MTA3: variants seen among roughly 807,000 people sequenced by gnomAD.
MTA3 encodes the protein metastasis-associated protein MTA3.
MTA3 carries 34 observed loss-of-function variants against 83.5 expected under a neutral mutation model. The observed-to-expected ratio is 0.41, with a 90% CI of 0.31 to 0.54. The LOEUF is 0.54. MTA3 is among the 20% of genes least tolerant of loss of function. The pLI, the probability that MTA3 is intolerant of heterozygous loss-of-function variation, is 0.33. For missense variants in MTA3, 761 were observed against 726.4 expected, an observed-to-expected ratio of 1.05 and a Z score of -0.55; for synonymous variants, 303 against 252.7, an observed-to-expected ratio of 1.20 and a Z score of -1.89.
At chr2:42,541,251 G>A (rs916295341) in intron 2 of MTA3, among the ~76,000 whole-genome samples, 10 of 152,012 alleles carry the variant, frequency 6.6e-5, no homozygotes, top group African/African-American at 1.9e-4. Context: ...GGCTGGTCTC[G>A]AACTCCCGAC....
At chr2:42,553,228 AT>A (rs1677202416) in intron 2 of MTA3, among the ~76,000 whole-genome samples, 1 of 151,548 alleles carries the variant, frequency 6.6e-6, no homozygotes, top group Non-Finnish European at 1.5e-5. Flanking sequence ...GATCGAGACA[AT>A]CCTGGCTAAC....
At chr2:42,606,653 A>C (rs1339538755) in intron 3 of MTA3, among the ~76,000 whole-genome samples, 3 of 149,742 alleles carry the variant, frequency 2.0e-5, no homozygotes, top group Admixed American at 1.3e-4. Context: ...CCAGGCAGAG[A>C]CACTCCTCAC....
At chr2:42,588,985 G>T (rs1680661889) in intron 3 of MTA3, among the ~76,000 whole-genome samples, 2 of 152,122 alleles carry the variant, frequency 1.3e-5, no homozygotes, top group African/African-American at 4.8e-5. Flanking sequence ...TTGCACTTAG[G>T]GCCTTTTACT....
intron 4 of MTA3, among the ~76,000 whole-genome samples, chr2:42,615,045 C>A (rs1159373687): frequency 6.6e-6 from 1 of 151,414 alleles, no homozygotes; most frequent in Admixed American, 6.6e-5. Context: ...AATCCCGGCA[C>A]TTCTGGAGGC....
chr2:42,567,951 T>G (rs1677998739), upstream of MTA3: 1 of 152,200 alleles, frequency 6.6e-6, no homozygotes, highest in Non-Finnish European at 1.5e-5. Context: ...TGTTGGACAG[T>G]TGGTTCTGCT....
intron 4 of MTA3, among the ~76,000 whole-genome samples, chr2:42,635,920 C>T (rs1280133662): frequency 6.6e-6 from 1 of 152,058 alleles, no homozygotes; most frequent in African/African-American, 2.4e-5. Flanking sequence ...CGTGCACCAC[C>T]ACACCCAGCT....
chr2:42,659,972 C>G (rs1409686951), intron 8 of MTA3, 110 bp downstream of exon 8: 1 of 635,778 alleles, frequency 1.6e-6, no homozygotes, highest in East Asian at 3.6e-5. Flanking sequence ...CTTAGCCTTC[C>G]TGACTGCTAG....
At chr2:42,747,696 C>A (rs1463969417) in intron 16 of MTA3, among the ~76,000 whole-genome samples, 1 of 151,950 alleles carries the variant, frequency 6.6e-6, no homozygotes, top group Non-Finnish European at 1.5e-5. Context: ...CTCTCTTTGA[C>A]CAATATAACC....
rs368905145 is a variant in MTA3, at chr2:42,656,271, C to T, written c.571C>T (p.Arg191Ter). ...GGATCCAAATAGCCCACTTACGGAT[C>T]GACAGATTGACCAGTTTTTAGTTGT... ...VWDPNSPLTD[R>*]QIDQFLVVAR... The change falls in exon 7 of 17, where the codon CGA becomes TGA. Residue 191 changes from arginine (R) to a stop codon, truncating the protein, a stop_gained. Transcript: ENST00000405094. LOFTEE classifies it high-confidence loss of function. The T allele has an allele frequency of 2.5e-6, 4 of 1,613,476 alleles. No individual in the cohort carries two copies. The highest frequency in any genetic ancestry group is 2.5e-6 in the Non-Finnish European group (3 of 1,179,600).
In MTA3 at chr2:42,708,965, G is replaced by A. The variant is rs201225862; in HGVS notation, c.1394G>A (p.Arg465His). ...TGSPKSAVKT[R>H]QAFFLHTTYF... ...AGTCCAAAGTCTGCAGTGAAGACCCGCCAAGCTTTCTTCCTTCATACTACA... is the reference window on the plus strand; with the variant it reads ...AGTCCAAAGTCTGCAGTGAAGACCCACCAAGCTTTCTTCCTTCATACTACA... The change falls in exon 14 of 17, where the codon CGC becomes CAC. Residue 465 changes from arginine to histidine, a missense_variant. By Grantham distance (29) the Arg-to-His change is conservative. Transcript: ENST00000405094. 2.8e-5 allele frequency: 45 copies of A among 1,613,950 alleles called. No individual in the cohort carries two copies. Among genetic ancestry groups the A allele is most frequent in the Non-Finnish European group, 3.6e-5 (42 of 1,179,886 alleles).
chr2:42,723,070 A>T (rs142179878), intron 16 of MTA3, 35 bp downstream of exon 16: 6 of 1,546,594 alleles, frequency 3.9e-6, no homozygotes, highest in East Asian at 2.4e-5. Flanking sequence ...GGCTGTTCTG[A>T]TAGAGTGCCT....
intron 6 of MTA3, among the ~76,000 whole-genome samples, chr2:42,651,041 C>T (rs1688668859): frequency 6.6e-6 from 1 of 152,160 alleles, no homozygotes; most frequent in African/African-American, 2.4e-5. Flanking sequence ...GTCTATTGCT[C>T]CCAGGCTACA....
intron 9 of MTA3, among the ~76,000 whole-genome samples, chr2:42,688,087 G>A (rs1021519786): frequency 6.6e-6 from 1 of 152,168 alleles, no homozygotes; most frequent in South Asian, 2.1e-4. Flanking sequence ...TCGCTTATCA[G>A]TCAGGATTCA....
chr2:42,599,064 C>G (rs1682211812), intron 3 of MTA3, among the ~76,000 whole-genome samples: 1 of 152,164 alleles, frequency 6.6e-6, no homozygotes, highest in Non-Finnish European at 1.5e-5. Context: ...ACTTCGTTTG[C>G]TAGTGGTGAC....
chr2:42,636,874 A>G (rs976793346), intron 4 of MTA3, among the ~76,000 whole-genome samples: 4 of 152,006 alleles, frequency 2.6e-5, no homozygotes, highest in African/African-American at 9.7e-5. Context: ...ACCCGCCCGC[A>G]TCGGCCTCCC....
chr2:42,687,776 G>A (rs765037076), intron 9 of MTA3, among the ~76,000 whole-genome samples: 2 of 152,150 alleles, frequency 1.3e-5, no homozygotes, highest in Non-Finnish European at 2.9e-5. Flanking sequence ...AGCCATTTTT[G>A]TAGCTCATAT....
In MTA3 at chr2:42,575,922, G is replaced by A. The variant is rs1282682918; in HGVS notation, c.97-3185G>A. ...TCAGCACAGAGTCATCCATGTAATA[G>A]CGAGTTTCTGGGACTGGGGTTGTGT... On this transcript the variant is annotated intron_variant, in intron 2 of 16. Coordinates refer to ENST00000405094, the MANE Select transcript of MTA3 (RefSeq NM_001330442.2). Among the ~76,000 whole-genome samples the A allele has an allele frequency of 2.0e-5, 3 of 152,118 alleles. No homozygotes were observed. The South Asian group carries it at 6.2e-4, about 32-fold the overall frequency.
intron 4 of MTA3, among the ~76,000 whole-genome samples, chr2:42,611,022 C>A (rs955055968): frequency 6.8e-6 from 1 of 147,534 alleles, no homozygotes; most frequent in African/African-American, 2.5e-5. Flanking sequence ...TGCTCTGTCA[C>A]CCAGGCTGGA....
rs1292635515 is a variant in MTA3 at position 42,636,411 on chromosome 2, A to T, written c.318-3762A>T. 7.2e-5 allele frequency among the ~76,000 whole-genome samples: 11 copies of T among 151,970 alleles called. No homozygotes were observed. In the East Asian group the frequency reaches 2.2e-3, roughly 30 times the overall value. On this transcript the variant is annotated intron_variant, in intron 4 of 16. Coordinates refer to ENST00000405094, the MANE Select transcript of MTA3 (RefSeq NM_001330442.2). ...AAAAAAAATTAGCTCTGCGTGTGGC[A>T]CACACCTGTAGTCCCAGCTACTGGG...
Sources: gnomAD v4.1 joint callset for allele counts (sites outside exome capture counted in the v4.1 genomes callset) on GRCh38, gnomAD v4.1.1 for gene constraint, MANE v1.5 for transcripts, NCBI Gene and HGNC (gene_info 2026-07-23, HGNC 2026-07-21) for gene names.